NCKAP5: variants seen among roughly 807,000 people sequenced by gnomAD.
NCKAP5 encodes NCK associated protein 5, also known as nck-associated protein 5.
A neutral mutation model predicts 167.0 loss-of-function variants in NCKAP5; 92 were observed. That is an observed-to-expected ratio of 0.55 (90% confidence interval 0.47 to 0.66). The LOEUF (loss-of-function observed/expected upper bound fraction) is 0.66, where lower values mean the gene tolerates loss of function less well. Ranked by LOEUF, NCKAP5 falls within the 30% of genes least tolerant of loss-of-function variation. The pLI, the probability that NCKAP5 is intolerant of heterozygous loss-of-function variation, is 0.00. For missense variants in NCKAP5, 2,378 were observed against 2,315.0 expected (o/e 1.03, Z -0.56); for synonymous variants, 891 against 877.4 (o/e 1.02, Z -0.27).
intron 6 of NCKAP5, among the ~76,000 whole-genome samples, chr2:133,086,873 CACGA>C (rs777403271): frequency 2.6e-5 from 4 of 152,142 alleles, no homozygotes; most frequent in Non-Finnish European, 5.9e-5. Flanking sequence ...TGATTTTAGA[CACGA>C]ACATTTTATA....
chr2:133,146,960 T>C (rs1200905709), intron 5 of NCKAP5, among the ~76,000 whole-genome samples: 1 of 152,116 alleles, frequency 6.6e-6, no homozygotes, highest in African/African-American at 2.4e-5. Context: ...AACAAAGGCA[T>C]TTACAATTTT....
rs146041990 is a variant in NCKAP5 at position 133,261,712 on chromosome 2, C to A, written c.143+41325G>T. Among the ~76,000 whole-genome samples the A allele has an allele frequency of 4.5e-4, 68 of 152,304 alleles. No homozygotes were observed. In the East Asian group the frequency reaches 0.011, roughly 25 times the overall value. On this transcript the variant is annotated intron_variant, in intron 4 of 19. Coordinates refer to ENST00000409261, the MANE Select transcript of NCKAP5 (RefSeq NM_207363.3). ...ATCTTTAAACTAAACTGGTTTATCT[C>A]ATGAACTGACCTGTTTGTATCTCAA...
intron 2 of NCKAP5, among the ~76,000 whole-genome samples, chr2:133,534,585 G>GA (rs1685611778): frequency 6.6e-6 from 1 of 152,130 alleles, no homozygotes; most frequent in African/African-American, 2.4e-5. Context: ...ATAGAATCAT[G>GA]ATAAGTAATC....
intron 11 of NCKAP5, among the ~76,000 whole-genome samples, chr2:132,811,193 A>C (rs924330558): frequency 6.6e-6 from 1 of 152,132 alleles, no homozygotes; most frequent in South Asian, 2.1e-4. Flanking sequence ...AGTGGACTCC[A>C]TGAGGGTCCT....
chr2:133,076,473 G>GAA (rs146616760), intron 6 of NCKAP5, among the ~76,000 whole-genome samples: 4 of 150,556 alleles, frequency 2.7e-5, no homozygotes, highest in Admixed American at 2.7e-4. Flanking sequence ...TCCTACGTAT[G>GAA]AAAAAAAAAT....
the NCKAP5 span, among the ~76,000 whole-genome samples, chr2:133,644,496 G>T: frequency 6.6e-6 from 1 of 152,140 alleles, no homozygotes; most frequent in Admixed American, 6.6e-5. Flanking sequence ...TGTCCAGACA[G>T]TTCACCCACG....
chr2:133,156,596 A>C (rs2083585890), intron 5 of NCKAP5, among the ~76,000 whole-genome samples: 2 of 152,214 alleles, frequency 1.3e-5, no homozygotes, highest in African/African-American at 4.8e-5. Flanking sequence ...ATTCACTGCT[A>C]ACATACTGAG....
At chr2:133,484,600 C>T (rs941423574) in intron 3 of NCKAP5, among the ~76,000 whole-genome samples, 3 of 152,200 alleles carry the variant, frequency 2.0e-5, no homozygotes, top group African/African-American at 7.2e-5. Flanking sequence ...TGAGCACCAA[C>T]ATGATGCCAC....
chr2:133,075,240 C>T (rs1453807596), intron 6 of NCKAP5, among the ~76,000 whole-genome samples: 1 of 152,054 alleles, frequency 6.6e-6, no homozygotes, highest in Non-Finnish European at 1.5e-5. Context: ...AAGGAACTGT[C>T]AACTCAGAAT....
At chr2:133,235,972 C>T (rs994433550) in intron 4 of NCKAP5, among the ~76,000 whole-genome samples, 3 of 141,188 alleles carry the variant, frequency 2.1e-5, no homozygotes, top group Admixed American at 1.5e-4. Context: ...TAGGCTGAGG[C>T]TGGAAGATTG....
chr2:133,069,844 T>G (rs1160827191), intron 6 of NCKAP5, among the ~76,000 whole-genome samples: 2 of 151,838 alleles, frequency 1.3e-5, no homozygotes, highest in African/African-American at 4.8e-5. Flanking sequence ...ATAGATAATA[T>G]TTATAAATTT....
At chr2:132,917,001 G>A (rs1200713752) in intron 8 of NCKAP5, among the ~76,000 whole-genome samples, 1 of 152,170 alleles carries the variant, frequency 6.6e-6, no homozygotes, top group African/African-American at 2.4e-5. Context: ...GACAACTAAT[G>A]TTTATGGAAT....
intron 4 of NCKAP5, among the ~76,000 whole-genome samples, chr2:133,262,922 C>T (rs886309636): frequency 6.6e-5 from 10 of 152,108 alleles, no homozygotes; most frequent in South Asian, 2.1e-4. Flanking sequence ...CCCCTGAGCC[C>T]GGATGATGTT....
At chr2:132,703,448 A>C (rs1376864612) in intron 19 of NCKAP5, among the ~76,000 whole-genome samples, 1 of 152,096 alleles carries the variant, frequency 6.6e-6, no homozygotes, top group African/African-American at 2.4e-5. Flanking sequence ...TATTGCCTGG[A>C]TTTACTAGAT....
chr2:132,691,562 T>G lies in NCKAP5; in HGVS notation c.5714-18257A>C, dbSNP rs1026379745. ...ATTAGTCACGTTTCAGTGTTTCACT[T>G]CATTCAAACCTGACAGAGCAAGAGA... On this transcript the variant is annotated intron_variant, in intron 19 of 19. Transcript: ENST00000409261. Among the ~76,000 whole-genome samples, 12 of 152,172 alleles carry G rather than the reference T, an allele frequency of 7.9e-5. No individual in the cohort carries two copies. The South Asian group carries it at 1.0e-3, about 13-fold the overall frequency.
chr2:133,670,038 G>A, the NCKAP5 span, among the ~76,000 whole-genome samples: 2 of 152,180 alleles, frequency 1.3e-5, no homozygotes, highest in African/African-American at 4.8e-5. Flanking sequence ...AAGGTAAATT[G>A]TATGTGGGAT....
intron 12 of NCKAP5, among the ~76,000 whole-genome samples, chr2:132,791,031 T>C (rs1018257575): frequency 6.6e-6 from 1 of 152,210 alleles, no homozygotes; most frequent in Non-Finnish European, 1.5e-5. Context: ...GTGAGTCTAG[T>C]GGTCTGGATC....
At chr2:133,016,678 G>C (rs2078349689) in intron 6 of NCKAP5, among the ~76,000 whole-genome samples, 1 of 152,162 alleles carries the variant, frequency 6.6e-6, no homozygotes, top group African/African-American at 2.4e-5. Flanking sequence ...TCAGTGTAAG[G>C]AAGGATTTCA....
At chr2:133,032,499 G>A (rs2078911440) in intron 6 of NCKAP5, among the ~76,000 whole-genome samples, 1 of 152,172 alleles carries the variant, frequency 6.6e-6, no homozygotes, top group South Asian at 2.1e-4. Flanking sequence ...CTGACTCCCA[G>A]ATGGCACTTA....
Sources: allele counts gnomAD v4.1 joint callset (sites outside exome capture counted in the v4.1 genomes callset), GRCh38; gene constraint gnomAD v4.1.1; transcripts MANE v1.5; gene names NCBI Gene and HGNC (gene_info 2026-07-23, HGNC 2026-07-21).